BCAT1: variants seen among roughly 807,000 people sequenced by gnomAD.
BCAT1 encodes the protein branched-chain-amino-acid aminotransferase, cytosolic.
Under a neutral mutation model 52.4 loss-of-function variants are expected in BCAT1, and 48 were observed. The ratio of observed to expected loss-of-function variants is 0.92; its 90% confidence interval spans 0.73 to 1.16. BCAT1 has a LOEUF of 1.16. Among genes scored for constraint, BCAT1 ranks in the 50% most tolerant of loss-of-function variants. BCAT1 has a pLI of 0.00. For synonymous variants in BCAT1, 167 were observed against 161.3 expected, an observed-to-expected ratio of 1.04 and a Z score of -0.27; for missense variants, 451 against 457.1, an observed-to-expected ratio of 0.99 and a Z score of 0.12.
chr12:24,906,502 A>G (rs1943228416), intron 1 of BCAT1, among the ~76,000 whole-genome samples: 1 of 151,588 alleles, frequency 6.6e-6, no homozygotes, highest in African/African-American at 2.4e-5. Flanking sequence ...GAGAATCTCT[A>G]TGTCAGTTTT....
At chr12:24,921,951 T>C (rs1820830282) in intron 1 of BCAT1, among the ~76,000 whole-genome samples, 1 of 152,112 alleles carries the variant, frequency 6.6e-6, no homozygotes. Context: ...GACTTCGTCG[T>C]TAGATAAGAA....
chr12:24,916,499 A>G (rs1943410192), intron 1 of BCAT1, among the ~76,000 whole-genome samples: 1 of 124,204 alleles, frequency 8.1e-6, no homozygotes, highest in Non-Finnish European at 1.9e-5. Context: ...TCCAGTTACA[A>G]AAGAAAATAA....
intron 8 of BCAT1, among the ~76,000 whole-genome samples, chr12:24,835,757 G>T (rs76330191): frequency 0.11 from 17,300 of 151,734 alleles, 1,120 homozygotes; most frequent in Non-Finnish European, 0.13. Flanking sequence ...TTCAGCTAAT[G>T]TTTTTGATTT....
chr12:24,923,162 C>A (rs1203459752), intron 1 of BCAT1, among the ~76,000 whole-genome samples: 1 of 152,138 alleles, frequency 6.6e-6, no homozygotes, highest in East Asian at 1.9e-4. Flanking sequence ...TCAGCAGAAA[C>A]TTCATTGTTT....
At chr12:24,887,080 A>AAAAAAAAAAAAATATATAT (rs1245203518) in intron 3 of BCAT1, among the ~76,000 whole-genome samples, 5 of 40,738 alleles carry the variant, frequency 1.2e-4, no homozygotes, top group Admixed American at 2.9e-4. Flanking sequence ...AAAAAAAAAA[A>AAAAAAAAAAAAATATATAT]ATATATATAT....
rs71448094 is a variant in BCAT1, at chr12:24,898,520, C to CTTTTTTTTTTTTTTTTTTTTT, written c.78+3273_78+3293dup. 1.1e-3 allele frequency among the ~76,000 whole-genome samples: 42 copies of CTTTTTTTTTTTTTTTTTTTTT among 38,528 alleles called. 15 individuals carry two copies. The highest frequency in any genetic ancestry group is 4.6e-3 in the East Asian group (4 of 866). 25.3% of individuals were successfully genotyped at this position (38,528 alleles called of 152,430 possible). ...TGTTTCAGCCAGGGTTCAGTCAACA[C>CTTTTTTTTTTTTTTTTTTTTT]TTTTTTTTTTTTTTTTTTTTTTTTT... On this transcript the variant is annotated intron_variant, in intron 2 of 10. Transcript: ENST00000261192.
In BCAT1 at chr12:24,925,607, C is replaced by T. The variant is rs181055341; in HGVS notation, c.6+23320G>A. Among the ~76,000 whole-genome samples, 367 of 151,954 alleles carry T rather than the reference C, an allele frequency of 2.4e-3. 2 individuals carry two copies. Among genetic ancestry groups the T allele is most frequent in the Non-Finnish European group, 4.5e-3 (307 of 67,936 alleles). ...CTCCCTCTCCCCACGGTCTCCCTCT[C>T]CCTCTCTTTCCACGGTCTCCCTCTG... On this transcript the variant is annotated intron_variant, in intron 1 of 10. Coordinates refer to ENST00000261192, the MANE Select transcript of BCAT1 (RefSeq NM_005504.7).
chr12:24,931,409 G>A (rs1445278492), intron 1 of BCAT1, among the ~76,000 whole-genome samples: 38 of 152,058 alleles, frequency 2.5e-4, no homozygotes, highest in Admixed American at 2.3e-3. Flanking sequence ...AGAAAAGAGG[G>A]AAAGCAGAGG....
chr12:24,927,788 T>C (rs372888064), intron 1 of BCAT1, among the ~76,000 whole-genome samples: 18 of 152,346 alleles, frequency 1.2e-4, no homozygotes, highest in African/African-American at 4.1e-4. Context: ...CAAATCTATA[T>C]AACCATTCAT....
chr12:24,930,519 C>T (rs1016141503), intron 1 of BCAT1, among the ~76,000 whole-genome samples: 9 of 152,212 alleles, frequency 5.9e-5, no homozygotes, highest in African/African-American at 1.7e-4. Flanking sequence ...TGCTATGTTC[C>T]GTACACCAGT....
At position 24,810,931 on chromosome 12, in the gene BCAT1, C is replaced by T. The variant is rs1939658878; in HGVS notation, c.*7077G>A. On this transcript the variant is annotated 3_prime_UTR_variant, in exon 11 of 11. Coordinates refer to ENST00000261192, the MANE Select transcript of BCAT1 (RefSeq NM_005504.7). ...GGACACTTCATTGAAGATCTCTAGGCCTTTTACTTTTTAAAGTGTCTTTTA... is the reference window on the plus strand; with the variant it reads ...GGACACTTCATTGAAGATCTCTAGGTCTTTTACTTTTTAAAGTGTCTTTTA... 1 of 152,106 alleles carries T rather than the reference C, an allele frequency of 6.6e-6. No homozygotes were observed. Among genetic ancestry groups the T allele is most frequent in the Admixed American group, 6.5e-5 (1 of 15,268 alleles). The allele number at this position is 152,106 out of a possible 1,614,324, so 9.4% of individuals were successfully genotyped here.
At chr12:24,885,265 A>T (rs925476764) in intron 3 of BCAT1, among the ~76,000 whole-genome samples, 8 of 152,210 alleles carry the variant, frequency 5.3e-5, no homozygotes, top group African/African-American at 1.7e-4. Flanking sequence ...ATGTAATAGC[A>T]GCAGTTAAAA....
At chr12:24,896,863 G>A (rs1372471067) in intron 2 of BCAT1, among the ~76,000 whole-genome samples, 2 of 152,238 alleles carry the variant, frequency 1.3e-5, no homozygotes, top group African/African-American at 4.8e-5. Context: ...AGCTAACACA[G>A]TGCCTAGCAC....
chr12:24,919,679 C>A (rs1430552414), intron 1 of BCAT1, among the ~76,000 whole-genome samples: 1 of 152,154 alleles, frequency 6.6e-6, no homozygotes, highest in African/African-American at 2.4e-5. Flanking sequence ...TCCAGCAATA[C>A]CACTTACTAG....
chr12:24,922,728 GGTGTGGCA>G (rs1180663472), intron 1 of BCAT1, among the ~76,000 whole-genome samples: 1 of 151,934 alleles, frequency 6.6e-6, no homozygotes, highest in Non-Finnish European at 1.5e-5. Context: ...AAAATTAGCC[GGTGTGGCA>G]GCGCGCGCCT....
intron 5 of BCAT1, among the ~76,000 whole-genome samples, chr12:24,864,663 C>T (rs112079785): frequency 1.6e-4 from 22 of 140,886 alleles, no homozygotes; most frequent in African/African-American, 6.8e-4. Context: ...CCAACTAAGA[C>T]ACACACTCCC....
chr12:24,847,773 C>T (rs560288986), intron 6 of BCAT1, among the ~76,000 whole-genome samples: 2 of 152,278 alleles, frequency 1.3e-5, no homozygotes, highest in East Asian at 3.9e-4. Context: ...AGTCTCTGCC[C>T]TAGATTCACT....
intron 2 of BCAT1, among the ~76,000 whole-genome samples, chr12:24,899,430 T>C (rs112171989): frequency 6.2e-4 from 94 of 151,938 alleles, no homozygotes; most frequent in African/African-American, 2.1e-3. Flanking sequence ...ACACTGTTGG[T>C]AAGAATGTAA....
At position 24,949,032 on chromosome 12, in the gene BCAT1, G is replaced by A. The variant is rs1396884228; in HGVS notation, c.-100C>T. On this transcript the variant is annotated 5_prime_UTR_variant, in exon 1 of 11. Coordinates refer to ENST00000261192, the MANE Select transcript of BCAT1 (RefSeq NM_005504.7). ...GACCGGGTCTGCGGCTGCAGAGCGCGGTCCCGGCTGCAGCAAGACCTGGGG... is the reference window on the plus strand; with the variant it reads ...GACCGGGTCTGCGGCTGCAGAGCGCAGTCCCGGCTGCAGCAAGACCTGGGG... 5 of 1,323,282 alleles carry A rather than the reference G, an allele frequency of 3.8e-6. No individual in the cohort carries two copies. The East Asian group carries it at 1.0e-4, about 27-fold the overall frequency. 82.0% of individuals were successfully genotyped at this position (1,323,282 alleles called of 1,614,324 possible).
Sources: allele counts gnomAD v4.1 joint callset (sites outside exome capture counted in the v4.1 genomes callset), GRCh38; gene constraint gnomAD v4.1.1; transcripts MANE v1.5; gene names NCBI Gene and HGNC (gene_info 2026-07-23, HGNC 2026-07-21).